The following METTL22 variants were observed in gnomAD, a reference collection of about 807,000 sequenced individuals.
METTL22 encodes the protein methyltransferase-like protein 22.
Under a neutral mutation model 48.4 loss-of-function variants are expected in METTL22, and 51 were observed. That is an observed-to-expected ratio of 1.05 (90% CI 0.84 to 1.33). The LOEUF is 1.33. Ranked by LOEUF, METTL22 falls within the 40% of genes most tolerant of loss-of-function variation. The pLI, the probability that METTL22 is intolerant of heterozygous loss-of-function variation, is 0.00. For synonymous variants in METTL22, 255 were observed against 214.1 expected (o/e 1.19, Z -1.67); for missense variants, 678 against 526.9 (o/e 1.29, Z -2.81).
chr16:8,635,262 G>A lies in METTL22; in HGVS notation c.650G>A (p.Gly217Glu), dbSNP rs376368779. ...CTALELGAGT[G>E]LASIIAATMA... ...GCGCTGGAGCTCGGGGCCGGCACGGGGCTCGCTAGCATCATCGCAGCCACC... is the reference window on the plus strand; with the variant it reads ...GCGCTGGAGCTCGGGGCCGGCACGGAGCTCGCTAGCATCATCGCAGCCACC... The change falls in exon 5 of 11, where the codon GGG (glycine) becomes GAG (glutamate). Residue 217 changes from glycine (G) to glutamate (E), a missense_variant. By Grantham distance (98) the Gly-to-Glu change is moderately conservative. Transcript: ENST00000381920. The A allele has an allele frequency of 3.1e-6, 5 of 1,607,062 alleles. No homozygotes were observed. The highest frequency in any genetic ancestry group is 1.7e-5 in the Admixed American group (1 of 59,780).
rs371094189 is a variant in METTL22 at position 8,637,864 on chromosome 16, G to A, written c.701-1227G>A. On this transcript the variant is annotated intron_variant, in intron 5 of 10. Coordinates refer to ENST00000381920, the MANE Select transcript of METTL22 (RefSeq NM_024109.4). ...TAAAAACTGCTGACCCTGGCCAGGC[G>A]TGGTGGCTAATGCATGTAACCCCAG... Among the ~76,000 whole-genome samples, 26 of 152,132 alleles carry A rather than the reference G, an allele frequency of 1.7e-4. No homozygotes were observed. In the East Asian group the frequency reaches 4.1e-3, roughly 24 times the overall value.
rs770566559 is a variant in METTL22 at position 8,629,539 on chromosome 16, A to C, written c.514+429A>C. On this transcript the variant is annotated intron_variant, in intron 3 of 10. Coordinates refer to ENST00000381920, the MANE Select transcript of METTL22 (RefSeq NM_024109.4). ...AGTAGGGAGCCATGGGAGGTTCTGG[A>C]GCTGGAGTGTGGCAGAGGGAGAGGG... Among the ~76,000 whole-genome samples the C allele has an allele frequency of 2.6e-4, 39 of 152,114 alleles. No homozygotes were observed. In the Middle Eastern group the frequency reaches 0.01, roughly 40 times the overall value.
chr16:8,634,415 T>C (rs1274780169), intron 3 of METTL22, among the ~76,000 whole-genome samples: 3 of 152,212 alleles, frequency 2.0e-5, no homozygotes, highest in Non-Finnish European at 4.4e-5. Flanking sequence ...CTTGATCTTA[T>C]ATTTCCATTG....
At chr16:8,644,789 A>G (rs2056735749) in intron 10 of METTL22, 64 bp downstream of exon 10, 2 of 1,442,846 alleles carry the variant, frequency 1.4e-6, no homozygotes, top group East Asian at 2.6e-5. Flanking sequence ...ACTCCAGGGC[A>G]AAGAGGTGAT....
chr16:8,641,744 A>T, intron 7 of METTL22: 1 of 402,946 alleles, frequency 2.5e-6, no homozygotes, highest in East Asian at 5.8e-5. Context: ...CGGCCCTCCC[A>T]ATAGTCCTGT....
chr16:8,632,270 G>C (rs2056289434), intron 3 of METTL22: 1 of 152,102 alleles, frequency 6.6e-6, no homozygotes. Context: ...AATTCGCCCT[G>C]GTGTTTTCTC....
intron 5 of METTL22, among the ~76,000 whole-genome samples, chr16:8,636,443 C>G (rs569110999): frequency 2.2e-4 from 33 of 149,852 alleles, no homozygotes; most frequent in African/African-American, 7.9e-4. Flanking sequence ...GAGGCTTGAA[C>G]CTGGGAGGCA....
chr16:8,649,455 G>A lies in METTL22; in HGVS notation c.*3312G>A, dbSNP rs1245444241. ...TCAGAAAAATATGTGACCCAAGGAG[G>A]GGACTTGGCTGTTCAGCTGCAGCCT... On this transcript the variant is annotated 3_prime_UTR_variant, in exon 11 of 11. Coordinates refer to ENST00000381920, the MANE Select transcript of METTL22 (RefSeq NM_024109.4). The A allele has an allele frequency of 2.6e-5, 4 of 152,078 alleles. No homozygotes were observed. Among genetic ancestry groups the A allele is most frequent in the African/African-American group, 9.7e-5 (4 of 41,398 alleles). The allele number at this position is 152,078 out of a possible 1,614,324, so 9.4% of individuals were successfully genotyped here. A position where few individuals can be genotyped will look rare whatever the true frequency, so the allele number is the denominator to read the frequency against.
At chr16:8,628,591 T>A (rs559996462) in intron 2 of METTL22, 139 bp from the exon 3 acceptor site, 1 of 1,205,826 alleles carries the variant, frequency 8.3e-7, no homozygotes, top group African/African-American at 1.5e-5. Flanking sequence ...AAGTGGGCCT[T>A]TTCTGCTGGC....
intron 5 of METTL22, among the ~76,000 whole-genome samples, chr16:8,636,937 C>T (rs2056441868): frequency 6.6e-6 from 1 of 152,214 alleles, no homozygotes; most frequent in African/African-American, 2.4e-5. Context: ...ATATGCCCTT[C>T]CTCTGGCTCC....
At chr16:8,639,518 C>G (rs1731012) in intron 6 of METTL22, 25,674 of 272,354 alleles carry the variant, frequency 0.094, 1,482 homozygotes, top group Middle Eastern at 0.14. Context: ...ACTTCACTTG[C>G]TGCTGAAAAC....
intron 7 of METTL22, chr16:8,641,646 T>C (rs946251721): frequency 4.6e-5 from 17 of 371,874 alleles, no homozygotes; most frequent in Non-Finnish European, 8.8e-5. Flanking sequence ...AAGATGTCTT[T>C]TTTTTTTTCC....
the METTL22 span, chr16:8,667,165 C>G: frequency 1.3e-5 from 2 of 152,060 alleles, no homozygotes; most frequent in Non-Finnish European, 2.9e-5. Flanking sequence ...GAAAGGATGC[C>G]TGGGCTTGCT....
At chr16:8,658,836 C>G in the METTL22 span, among the ~76,000 whole-genome samples, 71 of 152,186 alleles carry the variant, frequency 4.7e-4, no homozygotes, top group South Asian at 4.1e-4. Flanking sequence ...ACAAGGCCCT[C>G]CAAGGCCTGG....
intron 3 of METTL22, 64 bp downstream of exon 3, chr16:8,629,174 G>C (rs947812707): frequency 1.3e-6 from 2 of 1,559,170 alleles, no homozygotes; most frequent in Non-Finnish European, 1.7e-6. Flanking sequence ...ACTGCTCAGG[G>C]CTCAGTATGA....
chr16:8,625,598 T>C lies in METTL22; in HGVS notation c.-68T>C. ...TGTCTGCAGTATCTCCTCTGGGACC[T>C]GCCATGCTGAGGACCCATTCTCACC... is the stretch of plus-strand genomic sequence containing the variant. On this transcript the variant is annotated 5_prime_UTR_variant, in exon 2 of 11. Transcript: ENST00000381920. 4.5e-6 allele frequency: 7 copies of C among 1,564,270 alleles called. No homozygotes were observed. Among genetic ancestry groups the C allele is most frequent in the Non-Finnish European group, 6.1e-6 (7 of 1,144,200 alleles).
In METTL22 at chr16:8,642,473, C is replaced by T. The variant is rs118103574; in HGVS notation, c.918C>T (p.Asp306=). The change falls in exon 9 of 11, where the codon GAC becomes GAT. Residue 306 remains aspartate, a synonymous_variant. Transcript: ENST00000381920. ...TILFAAEVFY[D]DDLTDAVFKT... ...TTTTGCTTCCCACAGTGTTTTACGACGACGACTTGACTGATGCTGTGTTTA... is the reference window on the plus strand; with the variant it reads ...TTTTGCTTCCCACAGTGTTTTACGATGACGACTTGACTGATGCTGTGTTTA... 3.6e-3 allele frequency: 5,758 copies of T among 1,614,150 alleles called. 27 individuals carry two copies. Among genetic ancestry groups the T allele is most frequent in the Non-Finnish European group, 4.4e-3 (5,135 of 1,180,000 alleles).
At chr16:8,630,667 T>C (rs1156952675) in intron 3 of METTL22, among the ~76,000 whole-genome samples, 1 of 152,124 alleles carries the variant, frequency 6.6e-6, no homozygotes, top group East Asian at 1.9e-4. Flanking sequence ...AATTTACCAT[T>C]GTATGAGCTA....
the METTL22 span, among the ~76,000 whole-genome samples, chr16:8,666,274 C>G: frequency 2.6e-5 from 4 of 152,300 alleles, no homozygotes; most frequent in South Asian, 4.1e-4. Flanking sequence ...CCTAAAGTGA[C>G]TGTTCTGTGC....
Sources: allele counts gnomAD v4.1 joint callset (sites outside exome capture counted in the v4.1 genomes callset), GRCh38; gene constraint gnomAD v4.1.1; transcripts MANE v1.5; gene names NCBI Gene and HGNC (gene_info 2026-07-23, HGNC 2026-07-21).